The following B3GALT1 variants were observed in gnomAD, a reference collection of about 807,000 sequenced individuals.
The protein encoded by B3GALT1 is beta-1,3-galactosyltransferase 1.
In B3GALT1, 10 loss-of-function variants were observed where a neutral mutation model predicts 23.2. The ratio of observed to expected loss-of-function variants is 0.43; its 90% CI spans 0.27 to 0.73. B3GALT1 has a LOEUF of 0.73. B3GALT1 is among the 30% of genes least tolerant of loss of function. The pLI, the probability that B3GALT1 is intolerant of heterozygous loss-of-function variation, is 0.21. For missense variants in B3GALT1, 299 were observed against 405.4 expected, an observed-to-expected ratio of 0.74 and a Z score of 2.25; for synonymous variants, 156 against 141.5, an observed-to-expected ratio of 1.10 and a Z score of -0.73.
chr2:167,818,932 T>TC (rs1332276274), intron 4 of B3GALT1, among the ~76,000 whole-genome samples, 139 bp downstream of exon 4: 2 of 152,248 alleles, frequency 1.3e-5, no homozygotes, highest in Admixed American at 6.5e-5. Context: ...TAGGTTTTTT[T>TC]CTTTATTAAT....
chr2:167,673,206 T>G (rs1192723600), intron 3 of B3GALT1, among the ~76,000 whole-genome samples: 3 of 152,070 alleles, frequency 2.0e-5, no homozygotes, highest in African/African-American at 7.2e-5. Context: ...CAGAAGGTGA[T>G]GACATGAAGT....
At chr2:167,627,809 C>T (rs573496646) in intron 2 of B3GALT1, among the ~76,000 whole-genome samples, 4 of 151,606 alleles carry the variant, frequency 2.6e-5, no homozygotes, top group Non-Finnish European at 5.9e-5. Context: ...TGTGAAAGTT[C>T]TAGTTGTTCT....
chr2:167,574,257 A>G (rs1021566189), intron 2 of B3GALT1, among the ~76,000 whole-genome samples: 23 of 151,864 alleles, frequency 1.5e-4, no homozygotes, highest in African/African-American at 5.5e-4. Context: ...CAGCAGTCCA[A>G]TCTTAAATTT....
intron 1 of B3GALT1, among the ~76,000 whole-genome samples, chr2:167,416,655 A>ATC (rs1698475779): frequency 6.6e-6 from 1 of 152,182 alleles, no homozygotes; most frequent in Admixed American, 6.5e-5. Context: ...AGCAAGCAAC[A>ATC]TCTGCCTGGG....
At chr2:167,559,410 C>T (rs1683923597) in intron 2 of B3GALT1, among the ~76,000 whole-genome samples, 1 of 152,194 alleles carries the variant, frequency 6.6e-6, no homozygotes, top group Non-Finnish European at 1.5e-5. Flanking sequence ...TCTCCTCCTC[C>T]AAAGGAACGC....
At chr2:167,707,315 T>A (rs1686979985) in intron 3 of B3GALT1, among the ~76,000 whole-genome samples, 1 of 152,142 alleles carries the variant, frequency 6.6e-6, no homozygotes, top group South Asian at 2.1e-4. Flanking sequence ...TGGTTTATTA[T>A]GTAGCAATAG....
At chr2:167,418,361 G>A (rs4363998) in intron 1 of B3GALT1, among the ~76,000 whole-genome samples, 141,736 of 151,900 alleles carry the variant, frequency 0.93, 66,580 homozygotes, top group Non-Finnish European at 0.99. Context: ...TGTCCTTAGT[G>A]TCTTAGGGGA....
intron 1 of B3GALT1, among the ~76,000 whole-genome samples, chr2:167,350,056 A>G (rs577621137): frequency 5.3e-5 from 8 of 152,338 alleles, no homozygotes; most frequent in Admixed American, 2.0e-4. Flanking sequence ...GTAATAACCA[A>G]TTGGGGACTA....
intron 2 of B3GALT1, among the ~76,000 whole-genome samples, chr2:167,604,017 G>T (rs1303228694): frequency 1.3e-5 from 2 of 151,616 alleles, no homozygotes; most frequent in Non-Finnish European, 2.9e-5. Context: ...TAGAAAAATT[G>T]CCAGAAAAGA....
chr2:167,325,702 C>CTTTTTTTTTTTTTTTTTTTTTTTTTT (rs61066636), intron 1 of B3GALT1, among the ~76,000 whole-genome samples: 1 of 110,568 alleles, frequency 9.0e-6, no homozygotes, highest in African/African-American at 3.3e-5. Context: ...ACCCTGTTTT[C>CTTTTTTTTTTTTTTTTTTTTTTTTTT]TTTTTTTTTT....
intron 3 of B3GALT1, among the ~76,000 whole-genome samples, chr2:167,692,181 C>T (rs934202043): frequency 2.6e-5 from 4 of 152,138 alleles, no homozygotes; most frequent in Non-Finnish European, 4.4e-5. Context: ...CCTTGATCCT[C>T]ATGACCACAC....
chr2:167,530,170 A>ATT (rs3062684), intron 2 of B3GALT1, among the ~76,000 whole-genome samples: 58,132 of 151,760 alleles, frequency 0.38, 12,048 homozygotes, highest in East Asian at 0.81. Context: ...TTGCTCCCTC[A>ATT]TTTAATTCAG....
chr2:167,561,366 A>G (rs988898151), intron 2 of B3GALT1, among the ~76,000 whole-genome samples: 11 of 152,206 alleles, frequency 7.2e-5, no homozygotes, highest in African/African-American at 2.4e-4. Flanking sequence ...AAGATCCAAA[A>G]TTGACACCCT....
At chr2:167,663,227 G>A (rs1171113531) in intron 3 of B3GALT1, among the ~76,000 whole-genome samples, 1 of 150,296 alleles carries the variant, frequency 6.7e-6, no homozygotes, top group Non-Finnish European at 1.5e-5. Flanking sequence ...TTTTGTTCTT[G>A]CGATAGTTTA....
intron 3 of B3GALT1, chr2:167,714,060 G>A (rs1208584131): frequency 1.3e-6 from 2 of 1,535,914 alleles, no homozygotes; most frequent in Non-Finnish European, 1.8e-6. Flanking sequence ...AAATGACCAG[G>A]ATCATCTTTG....
chr2:167,481,477 T>A (rs570740691), intron 1 of B3GALT1, among the ~76,000 whole-genome samples: 1 of 148,442 alleles, frequency 6.7e-6, no homozygotes, highest in South Asian at 2.2e-4. Flanking sequence ...TGCTAAAATG[T>A]TTTTGCTATA....
chr2:167,500,424 G>GA (rs1300403860), intron 2 of B3GALT1, among the ~76,000 whole-genome samples: 2 of 151,922 alleles, frequency 1.3e-5, no homozygotes, highest in African/African-American at 2.4e-5. Context: ...TAACTAATGA[G>GA]AAAAAAAATT....
chr2:167,835,447 G>T (rs540119199), intron 4 of B3GALT1, among the ~76,000 whole-genome samples: 1 of 152,344 alleles, frequency 6.6e-6, no homozygotes, highest in Non-Finnish European at 1.5e-5. Context: ...AGCAGTCTGA[G>T]ATCAAACTGC....
chr2:167,362,753 A>G (rs1697517796), intron 1 of B3GALT1, among the ~76,000 whole-genome samples: 1 of 152,136 alleles, frequency 6.6e-6, no homozygotes, highest in East Asian at 1.9e-4. Flanking sequence ...AGTAAAACGC[A>G]TGTTGTGTGC....
Sources: allele counts gnomAD v4.1 joint callset (sites outside exome capture counted in the v4.1 genomes callset), GRCh38; gene constraint gnomAD v4.1.1; transcripts MANE v1.5; gene names NCBI Gene and HGNC (gene_info 2026-07-23, HGNC 2026-07-21).